KCTD20: variants seen among roughly 807,000 people sequenced by gnomAD.
The protein encoded by KCTD20 is BTB/POZ domain-containing protein KCTD20.
Under a neutral mutation model 39.6 loss-of-function variants are expected in KCTD20, and 30 were observed. That is an observed-to-expected ratio of 0.76 (90% CI 0.57 to 1.03). KCTD20 has a LOEUF of 1.03. Among genes scored for constraint, KCTD20 ranks in the 50% least tolerant of loss-of-function variants. KCTD20 has a pLI of 0.00. For missense variants in KCTD20, 422 were observed against 522.0 expected (o/e 0.81, Z 1.87); for synonymous variants, 162 against 180.6 (o/e 0.90, Z 0.83).
chr6:36,489,363 CAAGATT>C lies in KCTD20; in HGVS notation c.*2189_*2194del, dbSNP rs1422250747. On this transcript the variant is annotated 3_prime_UTR_variant, in exon 8 of 8. Coordinates refer to ENST00000373731, the MANE Select transcript of KCTD20 (RefSeq NM_173562.5). ...TAACCCTTTACTTTGCTCAGGCTTT[CAAGATT>C]GAGTCTTTTTTCCCCCAAATTAGGT... 6.6e-6 allele frequency: 1 copy of C among 152,172 alleles called. No individual in the cohort carries two copies. Among genetic ancestry groups the C allele is most frequent in the Non-Finnish European group, 1.5e-5 (1 of 68,036 alleles). The allele number at this position is 152,172 out of a possible 1,614,324, so 9.4% of individuals were successfully genotyped here.
Position 36,487,067 on chromosome 6 carries a change from T to C in KCTD20, c.1152T>C (p.Asp384=), listed in dbSNP as rs747978646. 2.5e-6 allele frequency: 4 copies of C among 1,614,222 alleles called. No individual in the cohort carries two copies. The highest frequency in any genetic ancestry group is 2.2e-5 in the East Asian group (1 of 44,890). ...CGAATCTGGTAGCTGCTGGAGATGA[T>C]GTCTTGGAGGACCAGGAGATATTAA... ...SLTNLVAAGD[D]VLEDQEILMH... is the part of the protein sequence containing the mutation. Residue 384 remains aspartate (D), a synonymous_variant, in exon 8 of 8, where the codon GAT becomes GAC. Coordinates refer to ENST00000373731, the MANE Select transcript of KCTD20 (RefSeq NM_173562.5).
intron 5 of KCTD20, among the ~76,000 whole-genome samples, chr6:36,480,817 G>A (rs1266941657): frequency 6.6e-6 from 1 of 152,152 alleles, no homozygotes; most frequent in Non-Finnish European, 1.5e-5. Flanking sequence ...CTCCCAAAGT[G>A]CCGAGGTTAC....
At chr6:36,483,054 C>T (rs1420829802) in intron 6 of KCTD20, among the ~76,000 whole-genome samples, 8 of 146,912 alleles carry the variant, frequency 5.4e-5, no homozygotes, top group South Asian at 2.1e-4. Context: ...AGGAGGCAGA[C>T]GTTGCAGTGA....
At chr6:36,445,675 A>T (rs1432748753) in intron 1 of KCTD20, among the ~76,000 whole-genome samples, 4 of 152,200 alleles carry the variant, frequency 2.6e-5, no homozygotes, top group Non-Finnish European at 5.9e-5. Context: ...AAATTTATCA[A>T]ATGCAATCCT....
chr6:36,461,134 GA>G (rs950784712), intron 1 of KCTD20, among the ~76,000 whole-genome samples: 2 of 152,156 alleles, frequency 1.3e-5, no homozygotes, highest in Non-Finnish European at 2.9e-5. Flanking sequence ...GAATCCAGCA[GA>G]TTAATTTGTG....
chr6:36,486,833 CAGAG>C, intron 7 of KCTD20, 46 bp from the exon 8 acceptor site: 1 of 1,449,878 alleles, frequency 6.9e-7, no homozygotes, highest in Non-Finnish European at 9.5e-7. Context: ...GTATGGACAC[CAGAG>C]TGAGCACAAT....
In KCTD20 at chr6:36,479,768, G is replaced by A; in HGVS notation, c.658+57G>A. 1.1e-5 allele frequency: 9 copies of A among 789,984 alleles called. No homozygotes were observed. In the South Asian group the frequency reaches 1.4e-4, roughly 13 times the overall value. 48.9% of individuals were successfully genotyped at this position (789,984 alleles called of 1,614,324 possible). ...AAGCAGCTGAACTTTCAGTTTTCTT[G>A]GAAGTCACCGATTTTTTTTTTTTTT... On this transcript the variant is annotated intron_variant, in intron 5 of 7. Transcript: ENST00000373731.
At chr6:36,468,194 C>T (rs911590913) in intron 1 of KCTD20, among the ~76,000 whole-genome samples, 3 of 152,132 alleles carry the variant, frequency 2.0e-5, no homozygotes, top group South Asian at 2.1e-4. Context: ...ATTTTCCCTC[C>T]GTGGTGATAC....
rs372329590 is a variant in KCTD20, at chr6:36,457,255, T to TA, written c.-46-12796dup. ...TATGCTATTCCTGAATTAATGAAGA[T>TA]ACTATTTAATCCTTTAAATCACTTA... On this transcript the variant is annotated intron_variant, in intron 1 of 7. Coordinates refer to ENST00000373731, the MANE Select transcript of KCTD20 (RefSeq NM_173562.5). Among the ~76,000 whole-genome samples the TA allele has an allele frequency of 6.4e-3, 972 of 152,336 alleles. 13 individuals carry two copies. The highest frequency in any genetic ancestry group is 0.022 in the African/African-American group (934 of 41,574).
At chr6:36,449,063 C>T (rs1285099317) in intron 1 of KCTD20, among the ~76,000 whole-genome samples, 1 of 152,176 alleles carries the variant, frequency 6.6e-6, no homozygotes, top group Non-Finnish European at 1.5e-5. Context: ...GAATGAGCAG[C>T]AGCAAGACTT....
At position 36,487,043 on chromosome 6, in the gene KCTD20, G is replaced by T. The variant is rs764202489; in HGVS notation, c.1128G>T (p.Thr376=). ...AGTGTGTTCGAAGCAAATCCCTCAC[G>T]AATCTGGTAGCTGCTGGAGATGATG... The part of the protein sequence containing the change: ...DFQCVRSKSL[T]NLVAAGDDVL... Residue 376 remains threonine, a synonymous_variant, in exon 8 of 8, where the codon ACG becomes ACT. Coordinates refer to ENST00000373731, the MANE Select transcript of KCTD20 (RefSeq NM_173562.5). 11 of 1,614,110 alleles carry T rather than the reference G, an allele frequency of 6.8e-6. No homozygotes were observed. In the Admixed American group the frequency reaches 8.3e-5, roughly 12 times the overall value.
intron 1 of KCTD20, among the ~76,000 whole-genome samples, chr6:36,465,997 C>G (rs1165018220): frequency 6.6e-6 from 1 of 152,094 alleles, no homozygotes; most frequent in Non-Finnish European, 1.5e-5. Context: ...ATTGCTGTGA[C>G]CTTCAGAGTT....
chr6:36,473,666 G>T (rs367767362), intron 2 of KCTD20, among the ~76,000 whole-genome samples: 1 of 151,918 alleles, frequency 6.6e-6, no homozygotes, highest in East Asian at 1.9e-4. Flanking sequence ...CCAGCTGCTC[G>T]GGAGGCTGAG....
chr6:36,447,376 C>G (rs895452992), intron 1 of KCTD20, among the ~76,000 whole-genome samples: 8 of 152,134 alleles, frequency 5.3e-5, no homozygotes, highest in South Asian at 2.1e-4. Context: ...GCCTGTAATC[C>G]CAGCACTTTG....
intron 1 of KCTD20, among the ~76,000 whole-genome samples, chr6:36,450,282 G>T (rs1775207422): frequency 1.3e-5 from 2 of 151,530 alleles, no homozygotes; most frequent in South Asian, 4.1e-4. Context: ...GAGGTCAGGA[G>T]TTTGAGACCA....
chr6:36,456,498 C>T lies in KCTD20; in HGVS notation c.-47+13387C>T, dbSNP rs533429500. Among the ~76,000 whole-genome samples the T allele has an allele frequency of 2.1e-4, 32 of 151,330 alleles. No homozygotes were observed. The South Asian group carries it at 6.3e-3, about 30-fold the overall frequency. On this transcript the variant is annotated intron_variant, in intron 1 of 7. Transcript: ENST00000373731. ...TTCACCATGTTGGCCAGGCTGGTCTCGAACTCCTGACCTTAGATGATCCGC... is the reference window on the plus strand; with the variant it reads ...TTCACCATGTTGGCCAGGCTGGTCTTGAACTCCTGACCTTAGATGATCCGC...
chr6:36,474,142 T>G (rs1775994433), intron 2 of KCTD20, among the ~76,000 whole-genome samples: 1 of 152,130 alleles, frequency 6.6e-6, no homozygotes, highest in South Asian at 2.1e-4. Flanking sequence ...GTTACATATG[T>G]ATACATGTGC....
chr6:36,479,173 G>A lies in KCTD20; in HGVS notation c.487G>A (p.Glu163Lys). The change falls in exon 4 of 8, where the codon GAG becomes AAG. Residue 163 changes from glutamate (E) to lysine (K), a missense_variant. By Grantham distance (56) the Glu-to-Lys change is moderately conservative (BLOSUM62 1). Coordinates refer to ENST00000373731, the MANE Select transcript of KCTD20 (RefSeq NM_173562.5). ...YNFTRPNEKG[E>K]YEIAEGISAT... ...CTTCACTCGGCCCAATGAGAAGGGAGAGTATGAGATTGCTGAAGGCATCAG... is the reference window on the plus strand; with the variant it reads ...CTTCACTCGGCCCAATGAGAAGGGAAAGTATGAGATTGCTGAAGGCATCAG... 1.2e-6 allele frequency: 2 copies of A among 1,614,100 alleles called. No homozygotes were observed. The highest frequency in any genetic ancestry group is 8.5e-7 in the Non-Finnish European group (1 of 1,179,980).
rs550215028 is a variant in KCTD20 at position 36,479,531 on chromosome 6, G to A, written c.538-60G>A. Reference sequence around the variant, plus strand: ...AACAAAACCAGGAATGCACAGGGATGAAGAAGTAATTTTTCATCTTGTTCT... The same window carrying A: ...AACAAAACCAGGAATGCACAGGGATAAAGAAGTAATTTTTCATCTTGTTCT... On this transcript the variant is annotated intron_variant, in intron 4 of 7. Coordinates refer to ENST00000373731, the MANE Select transcript of KCTD20 (RefSeq NM_173562.5). The A allele has an allele frequency of 4.1e-5, 61 of 1,476,532 alleles. No homozygotes were observed. In the African/African-American group the frequency reaches 8.2e-4, roughly 20 times the overall value. The allele number at this position is 1,476,532 out of a possible 1,614,324, so 91.5% of individuals were successfully genotyped here.
Sources: allele counts gnomAD v4.1 joint callset (sites outside exome capture counted in the v4.1 genomes callset), GRCh38; gene constraint gnomAD v4.1.1; transcripts MANE v1.5; gene names NCBI Gene and HGNC (gene_info 2026-07-23, HGNC 2026-07-21).